The following RSU1 variants were observed in gnomAD, a reference collection of about 807,000 sequenced individuals.
RSU1 encodes the protein Ras suppressor protein 1, also known as rsu-1.
Under a neutral mutation model 31.1 loss-of-function variants are expected in RSU1, and 26 were observed. The ratio of observed to expected loss-of-function variants is 0.84; its 90% CI spans 0.61 to 1.16. The LOEUF (loss-of-function observed/expected upper bound fraction) is 1.16. Among genes scored for constraint, RSU1 ranks in the 50% most tolerant of loss-of-function variants. The pLI is 0.00. For missense variants in RSU1, 320 were observed against 339.1 expected (o/e 0.94, Z 0.44); for synonymous variants, 164 against 136.3 (o/e 1.20, Z -1.41).
At chr10:16,750,086 A>AT (rs1836944476) in intron 7 of RSU1, among the ~76,000 whole-genome samples, 1 of 152,212 alleles carries the variant, frequency 6.6e-6, no homozygotes, top group Non-Finnish European at 1.5e-5. Context: ...ATTATAGGTG[A>AT]TATTGCAGGA....
chr10:16,761,775 G>A (rs1837215891), intron 4 of RSU1, among the ~76,000 whole-genome samples: 1 of 152,118 alleles, frequency 6.6e-6, no homozygotes. Flanking sequence ...AGAATCTCCT[G>A]AACTCAGGAG....
rs2275749 is a variant in RSU1, at chr10:16,754,591, C to G, written c.400+280G>C. 2.9e-3 allele frequency among the ~76,000 whole-genome samples: 417 copies of G among 142,790 alleles called. 17 individuals are homozygous for G. In the East Asian group the frequency reaches 0.068, roughly 23 times the overall value. The allele number at this position is 142,790 out of a possible 152,430, so 93.7% of individuals were successfully genotyped here. On this transcript the variant is annotated intron_variant, in intron 5 of 8. Coordinates refer to ENST00000345264, the MANE Select transcript of RSU1 (RefSeq NM_012425.4). ...ATGCTATTTAAAAAGAAAGTCAAGTCTCTTAGCTAAATGTGAGGCTTGATC... is the reference window on the plus strand; with the variant it reads ...ATGCTATTTAAAAAGAAAGTCAAGTGTCTTAGCTAAATGTGAGGCTTGATC...
chr10:16,611,075 G>T (rs1833884312), intron 8 of RSU1, among the ~76,000 whole-genome samples: 2 of 152,206 alleles, frequency 1.3e-5, no homozygotes, highest in African/African-American at 4.8e-5. Flanking sequence ...AAGAGCCAAA[G>T]GTCCCCAGCG....
chr10:16,772,780 A>T (rs1425891616), intron 3 of RSU1, among the ~76,000 whole-genome samples: 2 of 152,112 alleles, frequency 1.3e-5, no homozygotes, highest in Non-Finnish European at 2.9e-5. Context: ...ATATGGATGT[A>T]TATCTACACA....
chr10:16,729,854 G>T (rs1475102759), intron 7 of RSU1, among the ~76,000 whole-genome samples: 1 of 152,150 alleles, frequency 6.6e-6, no homozygotes, highest in East Asian at 1.9e-4. Flanking sequence ...CAATAGAGAG[G>T]GCATTAGCAA....
At chr10:16,719,597 G>C (rs555057331) in intron 7 of RSU1, among the ~76,000 whole-genome samples, 78 of 152,252 alleles carry the variant, frequency 5.1e-4, no homozygotes, top group African/African-American at 1.8e-3. Flanking sequence ...TTGTTTCACA[G>C]TACTTACTAT....
chr10:16,662,540 C>G (rs1485065903), intron 8 of RSU1, among the ~76,000 whole-genome samples: 2 of 152,176 alleles, frequency 1.3e-5, no homozygotes, highest in Non-Finnish European at 2.9e-5. Context: ...TTGTAGCCTA[C>G]TTTAACCCTG....
chr10:16,726,137 G>C (rs747539391), intron 7 of RSU1, among the ~76,000 whole-genome samples: 13 of 151,578 alleles, frequency 8.6e-5, no homozygotes, highest in Non-Finnish European at 1.9e-4. Flanking sequence ...CATAGTAAAA[G>C]TTCAGAAATT....
intron 4 of RSU1, among the ~76,000 whole-genome samples, chr10:16,763,051 G>C (rs1369314510): frequency 6.6e-6 from 1 of 151,526 alleles, no homozygotes; most frequent in Non-Finnish European, 1.5e-5. Context: ...AGCATCTATT[G>C]CCACTCCACG....
intron 8 of RSU1, among the ~76,000 whole-genome samples, chr10:16,597,465 T>C (rs1173965120): frequency 6.6e-6 from 1 of 152,150 alleles, no homozygotes; most frequent in Non-Finnish European, 1.5e-5. Flanking sequence ...TGACGTTTAT[T>C]AGCTGATGAC....
chr10:16,696,199 G>C (rs1438351267), intron 7 of RSU1, among the ~76,000 whole-genome samples: 1 of 152,178 alleles, frequency 6.6e-6, no homozygotes, highest in African/African-American at 2.4e-5. Context: ...TTTGAACCTA[G>C]AGACACAGCA....
chr10:16,593,685 C>T (rs1033791102), intron 8 of RSU1, among the ~76,000 whole-genome samples, 189 bp from the exon 9 acceptor site: 1 of 152,214 alleles, frequency 6.6e-6, no homozygotes, highest in Non-Finnish European at 1.5e-5. Context: ...ACATGCACGC[C>T]ATGCCATGAT....
intron 4 of RSU1, among the ~76,000 whole-genome samples, chr10:16,759,598 ACAAACGAGGT>A (rs1263319800): frequency 6.6e-6 from 1 of 152,252 alleles, no homozygotes; most frequent in Admixed American, 6.5e-5. Context: ...AGCTCTAGCA[ACAAACGAGGT>A]CAAACGTTAT....
intron 8 of RSU1, among the ~76,000 whole-genome samples, chr10:16,667,053 C>CAAAA (rs753949373): frequency 1.3e-5 from 2 of 151,624 alleles, no homozygotes. Flanking sequence ...ACAACAACAA[C>CAAAA]AAAAAACAAA....
At chr10:16,720,412 C>G (rs1210473882) in intron 7 of RSU1, among the ~76,000 whole-genome samples, 2 of 152,182 alleles carry the variant, frequency 1.3e-5, no homozygotes, top group African/African-American at 4.8e-5. Flanking sequence ...CACATAGTCA[C>G]TACATCATGA....
At chr10:16,728,430 G>C (rs923361926) in intron 7 of RSU1, among the ~76,000 whole-genome samples, 2 of 152,162 alleles carry the variant, frequency 1.3e-5, no homozygotes, top group South Asian at 2.1e-4. Flanking sequence ...GTGGAATCAG[G>C]ATCAGGAAGT....
chr10:16,682,575 C>CACACACACAT (rs1408089127), intron 8 of RSU1, among the ~76,000 whole-genome samples: 1 of 28,162 alleles, frequency 3.6e-5, no homozygotes, highest in East Asian at 1.2e-3. Flanking sequence ...CACACACATG[C>CACACACACAT]ATGCATGTTA....
At chr10:16,624,228 G>A (rs1210471643) in intron 8 of RSU1, among the ~76,000 whole-genome samples, 1 of 152,108 alleles carries the variant, frequency 6.6e-6, no homozygotes, top group Non-Finnish European at 1.5e-5. Flanking sequence ...GTCTGTAAGT[G>A]TGAACAGAGT....
At chr10:16,711,403 C>T (rs1265887042) in intron 7 of RSU1, among the ~76,000 whole-genome samples, 2 of 152,006 alleles carry the variant, frequency 1.3e-5, no homozygotes, top group African/African-American at 4.8e-5. Context: ...TTCTCTGAGC[C>T]TTATTCTACC....
Sources: allele counts gnomAD v4.1 joint callset (sites outside exome capture counted in the v4.1 genomes callset), GRCh38; gene constraint gnomAD v4.1.1; transcripts MANE v1.5; gene names NCBI Gene and HGNC (gene_info 2026-07-23, HGNC 2026-07-21).